The following SEMA3D variants were observed in gnomAD, a reference collection of about 807,000 sequenced individuals.
SEMA3D encodes semaphorin-3D.
SEMA3D carries 84 observed loss-of-function variants against 100.1 expected under a neutral mutation model. That is an observed-to-expected ratio of 0.84 (90% CI 0.70 to 1.01). The LOEUF is 1.01. Ranked by LOEUF, SEMA3D falls within the 50% of genes least tolerant of loss-of-function variation. The probability of loss-of-function intolerance (pLI) is 0.00; values close to 1 mark genes in which losing one functional copy is unlikely to be tolerated. For missense variants in SEMA3D, 875 were observed against 934.1 expected (o/e 0.94, Z 0.82); for synonymous variants, 312 against 320.7 (o/e 0.97, Z 0.29).
chr7:85,239,365 C>G, the SEMA3D span, among the ~76,000 whole-genome samples: 18 of 152,130 alleles, frequency 1.2e-4, no homozygotes, highest in African/African-American at 4.1e-4. Context: ...TCCACTGCCA[C>G]GTGAGGAAAC....
chr7:85,130,138 T>C (rs754577801), intron 2 of SEMA3D, among the ~76,000 whole-genome samples: 1 of 152,180 alleles, frequency 6.6e-6, no homozygotes, highest in Non-Finnish European at 1.5e-5. Flanking sequence ...AATAGGCAGA[T>C]GTGAAAGGAA....
At position 85,029,198 on chromosome 7, in the gene SEMA3D, C is replaced by G. The variant is rs1790476125; in HGVS notation, c.1192-6585G>C. Reference sequence around the variant, plus strand: ...AGCTCACAGGCGTACCTCCTGCACACCATGGTGCTCATCAGATTGAAGTCA... The same window carrying G: ...AGCTCACAGGCGTACCTCCTGCACAGCATGGTGCTCATCAGATTGAAGTCA... On this transcript the variant is annotated intron_variant, in intron 12 of 18. Transcript: ENST00000284136. 3 of 697,116 alleles carry G rather than the reference C, an allele frequency of 4.3e-6. No homozygotes were observed. In the South Asian group the frequency reaches 4.4e-5, roughly 10 times the overall value. The allele number at this position is 697,116 out of a possible 1,614,324, so 43.2% of individuals were successfully genotyped here.
chr7:85,113,537 C>T (rs779483600), intron 3 of SEMA3D, among the ~76,000 whole-genome samples: 1 of 151,018 alleles, frequency 6.6e-6, no homozygotes, highest in African/African-American at 2.4e-5. Flanking sequence ...CTTTGGGAGG[C>T]CGAGGTGGGC....
At chr7:85,183,563 C>A (rs756166765) in intron 1 of SEMA3D, among the ~76,000 whole-genome samples, 12 of 152,138 alleles carry the variant, frequency 7.9e-5, no homozygotes, top group Non-Finnish European at 1.5e-4. Context: ...CTAGTCTTCC[C>A]CACACATAAA....
the SEMA3D span, among the ~76,000 whole-genome samples, chr7:85,203,605 T>C: frequency 1.3e-5 from 2 of 152,088 alleles, no homozygotes; most frequent in Admixed American, 1.3e-4. Flanking sequence ...GAAAAATATT[T>C]CATGTGAAGC....
chr7:85,012,975 A>G (rs976298435), intron 16 of SEMA3D, 129 bp from the exon 17 acceptor site: 4 of 646,268 alleles, frequency 6.2e-6, no homozygotes, highest in Non-Finnish European at 1.1e-5. Flanking sequence ...CTTAAATGCA[A>G]GTCAATATTC....
chr7:85,136,323 T>C (rs973732743), intron 2 of SEMA3D, among the ~76,000 whole-genome samples: 1 of 152,144 alleles, frequency 6.6e-6, no homozygotes, highest in African/African-American at 2.4e-5. Context: ...AGATTTCTCC[T>C]TTAAAAAGTT....
upstream of SEMA3D, among the ~76,000 whole-genome samples, chr7:85,188,812 A>C (rs1791631779): frequency 6.6e-6 from 1 of 152,142 alleles, no homozygotes. Context: ...ACTTTCCATA[A>C]AGCCCTTACA....
Position 85,073,004 on chromosome 7 carries a change from A to G in SEMA3D, c.453T>C (p.Phe151=). 6.2e-7 allele frequency: 1 copy of G among 1,611,164 alleles called. No individual in the cohort carries two copies. Among genetic ancestry groups the G allele is most frequent in the Non-Finnish European group, 8.5e-7 (1 of 1,177,786 alleles). The change falls in exon 6 of 19, where the codon TTT becomes TTC. Residue 151 remains phenylalanine, a synonymous_variant. Coordinates refer to ENST00000284136, the MANE Select transcript of SEMA3D (RefSeq NM_001384900.1). ...GATCAATATACCCACATATTGGATG[A>G]AATGCTCCAGTTCCACACACATATA... ...THIYVCGTGA[F]HPICGYIDLG...
the SEMA3D span, among the ~76,000 whole-genome samples, chr7:85,235,309 T>C: frequency 6.6e-6 from 1 of 152,196 alleles, no homozygotes; most frequent in Non-Finnish European, 1.5e-5. Context: ...AATTTGAGTG[T>C]CTTACCAAGT....
the SEMA3D span, among the ~76,000 whole-genome samples, chr7:85,198,234 T>C: frequency 6.6e-6 from 1 of 152,154 alleles, no homozygotes; most frequent in Non-Finnish European, 1.5e-5. Flanking sequence ...AGGTTTTGTC[T>C]GTTTCTTAAT....
At chr7:85,189,185 T>C (rs1424484053), upstream of SEMA3D, among the ~76,000 whole-genome samples, 1 of 152,194 alleles carries the variant, frequency 6.6e-6, no homozygotes, top group Non-Finnish European at 1.5e-5. Flanking sequence ...TGGCCTCAGC[T>C]GTGTCCATGG....
At chr7:85,199,731 A>G in the SEMA3D span, among the ~76,000 whole-genome samples, 1 of 152,128 alleles carries the variant, frequency 6.6e-6, no homozygotes, top group Admixed American at 6.6e-5. Context: ...TCTTGTTGAT[A>G]CTGTTAATTT....
intron 6 of SEMA3D, among the ~76,000 whole-genome samples, chr7:85,072,583 T>G (rs1791804659): frequency 6.6e-6 from 1 of 152,210 alleles, no homozygotes; most frequent in Admixed American, 6.5e-5. Context: ...TTAATTTTGA[T>G]CATCCTGCTA....
chr7:85,183,209 T>A (rs1273341144), intron 1 of SEMA3D, among the ~76,000 whole-genome samples: 2 of 152,188 alleles, frequency 1.3e-5, no homozygotes, highest in Non-Finnish European at 2.9e-5. Context: ...GACACAGAGA[T>A]GCTTGCCAAC....
At chr7:85,137,093 T>C (rs1158604022) in intron 2 of SEMA3D, among the ~76,000 whole-genome samples, 2 of 152,056 alleles carry the variant, frequency 1.3e-5, no homozygotes, top group East Asian at 3.9e-4. Context: ...AGATTAACCT[T>C]TTTGACTTAA....
Position 84,999,592 on chromosome 7 carries a change from C to T in SEMA3D, c.2182G>A (p.Asp728Asn), listed in dbSNP as rs1047048299. Residue 728 changes from aspartate to asparagine, a missense_variant, in exon 19 of 19, where the codon GAC becomes AAC. Asp to Asn is a conservative substitution (Grantham distance 23, BLOSUM62 1). Transcript: ENST00000284136. The stretch of plus-strand genomic sequence containing the variant: ...TGCCACATCTGTTCGCAGTACTGGT[C>T]GAGGCTGAAGTTTGGGCTGCTAAGG... ...QILSSPNFSL[D>N]QYCEQMWHRE... 14 of 1,613,916 alleles carry T rather than the reference C, an allele frequency of 8.7e-6. No homozygotes were observed. Among genetic ancestry groups the T allele is most frequent in the Non-Finnish European group, 1.1e-5 (13 of 1,180,022 alleles).
At chr7:85,065,602 T>C in intron 7 of SEMA3D, 50 bp from the exon 8 acceptor site, 2 of 1,485,648 alleles carry the variant, frequency 1.3e-6, no homozygotes, top group Non-Finnish European at 1.9e-6. Context: ...CAGCAGTAGA[T>C]GCTATTTAAC....
the SEMA3D span, among the ~76,000 whole-genome samples, chr7:85,208,499 T>G: frequency 6.6e-6 from 1 of 152,126 alleles, no homozygotes; most frequent in Non-Finnish European, 1.5e-5. Flanking sequence ...TTCTAGAAAT[T>G]CATTCTATGC....
Sources: allele counts gnomAD v4.1 joint callset (sites outside exome capture counted in the v4.1 genomes callset), GRCh38; gene constraint gnomAD v4.1.1; transcripts MANE v1.5; gene names NCBI Gene and HGNC (gene_info 2026-07-23, HGNC 2026-07-21).